Variants in RPS6KA2 observed in about 807,000 individuals in gnomAD.
The protein encoded by RPS6KA2 is ribosomal protein S6 kinase A2.
In RPS6KA2, 42 loss-of-function variants were observed where a neutral mutation model predicts 91.8. The observed-to-expected ratio is 0.46, with a 90% confidence interval of 0.36 to 0.59. The LOEUF is 0.59. Among genes scored for constraint, RPS6KA2 ranks in the 20% least tolerant of loss-of-function variants. RPS6KA2 has a pLI of 0.00. For synonymous variants in RPS6KA2, 414 were observed against 393.6 expected, an observed-to-expected ratio of 1.05 and a Z score of -0.61; for missense variants, 798 against 978.5, an observed-to-expected ratio of 0.82 and a Z score of 2.46.
chr6:166,802,531 C>T (rs1779392303), intron 2 of RPS6KA2, among the ~76,000 whole-genome samples: 8 of 152,312 alleles, frequency 5.3e-5, no homozygotes, highest in Admixed American at 4.6e-4. Context: ...GCTGCCTTTG[C>T]TGCACGACCG....
intron 2 of RPS6KA2, among the ~76,000 whole-genome samples, chr6:166,857,459 G>A (rs369376138): frequency 5.8e-4 from 89 of 152,276 alleles, no homozygotes; most frequent in African/African-American, 2.1e-3. Context: ...CTCTTTGCTG[G>A]CCAGTGTCTC....
chr6:166,705,213 T>C (rs556908686), intron 2 of RPS6KA2, among the ~76,000 whole-genome samples: 27 of 152,358 alleles, frequency 1.8e-4, no homozygotes, highest in Admixed American at 6.5e-4. Flanking sequence ...ATCCGTCCAA[T>C]TGTGCAAGCC....
At chr6:166,566,629 A>T (rs1784513332) in intron 1 of RPS6KA2, among the ~76,000 whole-genome samples, 1 of 152,166 alleles carries the variant, frequency 6.6e-6, no homozygotes. Context: ...TGTCTTGCAC[A>T]GGCCCATGGG....
At chr6:166,682,750 C>T (rs369200397) in intron 2 of RPS6KA2, among the ~76,000 whole-genome samples, 1 of 152,216 alleles carries the variant, frequency 6.6e-6, no homozygotes, top group East Asian at 1.9e-4. Flanking sequence ...TGTCTCCCCA[C>T]ACCCAGCAAA....
In RPS6KA2 at chr6:166,860,599, C is replaced by T. The variant is rs1326349807; in HGVS notation, c.63+1509G>A. On this transcript the variant is annotated intron_variant, in intron 1 of 21. Transcript: ENST00000503859. ...CCACCTGGAATTGTAAAGCCCCTGGCCCCCTCTCTCCCATCCTTTCTGAGC... is the reference window on the plus strand; with the variant it reads ...CCACCTGGAATTGTAAAGCCCCTGGTCCCCTCTCTCCCATCCTTTCTGAGC... Among the ~76,000 whole-genome samples, 4 of 152,144 alleles carry T rather than the reference C, an allele frequency of 2.6e-5. No individual in the cohort carries two copies. The East Asian group carries it at 7.7e-4, about 29-fold the overall frequency.
intron 2 of RPS6KA2, among the ~76,000 whole-genome samples, chr6:166,654,291 C>A (rs563324112): frequency 6.6e-6 from 1 of 152,216 alleles, no homozygotes; most frequent in East Asian, 1.9e-4. Flanking sequence ...TACAGAACCA[C>A]AATAAAAGTT....
intron 2 of RPS6KA2, among the ~76,000 whole-genome samples, chr6:166,791,726 C>G (rs1016544297): frequency 6.6e-6 from 1 of 151,674 alleles, no homozygotes; most frequent in Non-Finnish European, 1.5e-5. Flanking sequence ...CAAAACCACT[C>G]AACTACATGG....
intron 1 of RPS6KA2, chr6:166,542,238 T>A (rs984306283): frequency 2.0e-5 from 3 of 152,264 alleles, no homozygotes; most frequent in Admixed American, 6.5e-5. Flanking sequence ...TCTGGATCCC[T>A]TCATGACAAC....
rs1781737530 is a variant in RPS6KA2, at chr6:166,495,017, G to A, written c.747+3491C>T. On this transcript the variant is annotated intron_variant, in intron 8 of 20. Coordinates refer to ENST00000265678, the MANE Select transcript of RPS6KA2 (RefSeq NM_021135.6). The surrounding 1 kb of genome is among the most constrained non-coding windows in gnomAD (Gnocchi z 4.4). ...GTCACTTCTGATGCCACCCACGGACGTGTGGGAAGCGTGGGGCCTCCACAG... is the reference window on the plus strand; with the variant it reads ...GTCACTTCTGATGCCACCCACGGACATGTGGGAAGCGTGGGGCCTCCACAG... Among the ~76,000 whole-genome samples, 4 of 152,216 alleles carry A rather than the reference G, an allele frequency of 2.6e-5. No homozygotes were observed. The South Asian group carries it at 6.2e-4, about 24-fold the overall frequency.
At chr6:166,625,128 G>C (rs1381762777) in intron 1 of RPS6KA2, among the ~76,000 whole-genome samples, 1 of 152,110 alleles carries the variant, frequency 6.6e-6, no homozygotes, top group Admixed American at 6.6e-5. Flanking sequence ...CACTGCGCCC[G>C]GCCATTATTG....
intron 1 of RPS6KA2, among the ~76,000 whole-genome samples, chr6:166,624,842 CT>C (rs35217062): frequency 4.0e-4 from 58 of 146,812 alleles, no homozygotes; most frequent in Non-Finnish European, 3.6e-4. Flanking sequence ...TAGCATTGAC[CT>C]TTTTTTTTTT....
chr6:166,459,658 A>C lies in RPS6KA2; in HGVS notation c.973-107T>G, dbSNP rs1219054356. 2.7e-6 allele frequency: 2 copies of C among 729,572 alleles called. No homozygotes were observed. Among genetic ancestry groups the C allele is most frequent in the Non-Finnish European group, 4.7e-6 (2 of 423,480 alleles). The allele number at this position is 729,572 out of a possible 1,614,324, so 45.2% of individuals were successfully genotyped here. A position where few individuals can be genotyped will look rare whatever the true frequency, so the allele number is the denominator to read the frequency against. ...GTGGGGAGGGAAGGATGTTCTTATC[A>C]CAGACTGCATTGGCCTTGTGGATTA... On this transcript the variant is annotated intron_variant, in intron 11 of 20. Transcript: ENST00000265678. This position sits in a 1 kb window ranked among gnomAD's most constrained non-coding sequence, Gnocchi z 4.9.
rs573390678 is a variant in RPS6KA2, at chr6:166,445,970, T to A, written c.1332+2754A>T. Among the ~76,000 whole-genome samples, 1 of 152,274 alleles carries A rather than the reference T, an allele frequency of 6.6e-6. No homozygotes were observed. The highest frequency in any genetic ancestry group is 6.5e-5 in the Admixed American group (1 of 15,304). Reference sequence around the variant, plus strand: ...CCGAACTTTGCTGTTTCTTAGTCCATCAATAGGTGGGGATGCTGCTTCTCA... The same window carrying A: ...CCGAACTTTGCTGTTTCTTAGTCCAACAATAGGTGGGGATGCTGCTTCTCA... On this transcript the variant is annotated intron_variant, in intron 14 of 20. Transcript: ENST00000265678. The surrounding 1 kb of genome is among the most constrained non-coding windows in gnomAD (Gnocchi z 4.5).
At chr6:166,481,814 C>T (rs146003413) in intron 10 of RPS6KA2, among the ~76,000 whole-genome samples, 63 of 148,942 alleles carry the variant, frequency 4.2e-4, no homozygotes, top group African/African-American at 1.6e-3. Flanking sequence ...AGATGGCAGA[C>T]TGCAGGTATA....
At chr6:166,854,291 C>T (rs962899475) in intron 2 of RPS6KA2, among the ~76,000 whole-genome samples, 1 of 152,238 alleles carries the variant, frequency 6.6e-6, no homozygotes, top group East Asian at 1.9e-4. Context: ...AACTCACCTT[C>T]TTGGAAGCTG....
chr6:166,587,726 A>ACG (rs1318957062), intron 1 of RPS6KA2, among the ~76,000 whole-genome samples: 3 of 152,078 alleles, frequency 2.0e-5, no homozygotes, highest in Non-Finnish European at 4.4e-5. Flanking sequence ...GAAGTAGAAG[A>ACG]TGAAGGGCCC....
At chr6:166,574,673 C>G (rs895242417) in intron 1 of RPS6KA2, among the ~76,000 whole-genome samples, 7 of 151,880 alleles carry the variant, frequency 4.6e-5, no homozygotes, top group African/African-American at 1.7e-4. Flanking sequence ...GGATATATAC[C>G]CAGTAATGGA....
At chr6:166,713,314 ATTTTG>A (rs761918328) in intron 2 of RPS6KA2, among the ~76,000 whole-genome samples, 6 of 152,170 alleles carry the variant, frequency 3.9e-5, no homozygotes, top group Non-Finnish European at 7.4e-5. Context: ...AGGGGTTTTC[ATTTTG>A]TTTTGTTTTG....
intron 1 of RPS6KA2, among the ~76,000 whole-genome samples, chr6:166,541,916 A>C (rs1424390535): frequency 6.6e-6 from 1 of 152,160 alleles, no homozygotes; most frequent in East Asian, 1.9e-4. Flanking sequence ...TTCACTTCTC[A>C]TTTCAAATCA....
Sources: gnomAD v4.1 joint callset for allele counts (sites outside exome capture counted in the v4.1 genomes callset) on GRCh38, gnomAD v4.1.1 for gene constraint, Gnocchi (gnomAD v3.1) non-coding constraint, MANE v1.5 for transcripts, NCBI Gene and HGNC (gene_info 2026-07-23, HGNC 2026-07-21) for gene names.